CAP2: variants seen among roughly 807,000 people sequenced by gnomAD.
CAP2 encodes the protein adenylyl cyclase-associated protein 2.
Under a neutral mutation model 57.7 loss-of-function variants are expected in CAP2, and 24 were observed. That is an observed-to-expected ratio of 0.42 (90% CI 0.30 to 0.58). The LOEUF is 0.58. Ranked by LOEUF, CAP2 falls within the 20% of genes least tolerant of loss-of-function variation. CAP2 has a pLI of 0.22. For synonymous variants in CAP2, 194 were observed against 207.2 expected (o/e 0.94, Z 0.55); for missense variants, 501 against 590.3 (o/e 0.85, Z 1.57).
At chr6:17,474,207 T>G (rs1395478417) in intron 4 of CAP2, among the ~76,000 whole-genome samples, 3 of 147,418 alleles carry the variant, frequency 2.0e-5, no homozygotes, top group Admixed American at 1.3e-4. Context: ...TTTTTTTTTT[T>G]TTTGTTCTAT....
intron 1 of CAP2, among the ~76,000 whole-genome samples, chr6:17,402,676 C>T (rs1019647215): frequency 7.2e-5 from 11 of 152,208 alleles, no homozygotes; most frequent in Non-Finnish European, 1.2e-4. Context: ...TTGCTTAATA[C>T]ATGTAAAACT....
chr6:17,443,144 C>T (rs534380777), intron 3 of CAP2, among the ~76,000 whole-genome samples: 11 of 152,122 alleles, frequency 7.2e-5, no homozygotes, highest in Non-Finnish European at 1.2e-4. Context: ...CCTGGCTTCT[C>T]GGGAGACTGA....
chr6:17,510,036 C>A (rs1762105422), intron 6 of CAP2, among the ~76,000 whole-genome samples: 1 of 151,972 alleles, frequency 6.6e-6, no homozygotes, highest in Non-Finnish European at 1.5e-5. Flanking sequence ...ATAGTCAAAT[C>A]TATAGAAAGA....
At chr6:17,522,629 T>C (rs1323809897) in intron 7 of CAP2, among the ~76,000 whole-genome samples, 1 of 152,136 alleles carries the variant, frequency 6.6e-6, no homozygotes, top group Non-Finnish European at 1.5e-5. Context: ...ACGTAAGACA[T>C]GAACAATGTA....
intron 4 of CAP2, among the ~76,000 whole-genome samples, chr6:17,477,371 C>A (rs990861401): frequency 3.8e-4 from 58 of 152,162 alleles, no homozygotes; most frequent in Non-Finnish European, 7.3e-5. Flanking sequence ...GTCAGGTTAC[C>A]CTAAACTTAG....
chr6:17,508,320 G>A (rs972781797), intron 6 of CAP2, among the ~76,000 whole-genome samples: 3 of 152,168 alleles, frequency 2.0e-5, no homozygotes, highest in Non-Finnish European at 4.4e-5. Context: ...CCTTGCGTTC[G>A]ACAGCACAAG....
chr6:17,442,005 A>G (rs1760093085), intron 3 of CAP2, among the ~76,000 whole-genome samples: 1 of 152,072 alleles, frequency 6.6e-6, no homozygotes, highest in Admixed American at 6.6e-5. Flanking sequence ...TCTTTGCATA[A>G]CTCGTTATTG....
rs367869867 is a variant in CAP2 at position 17,426,556 on chromosome 6, G to A, written c.122-34G>A. The A allele has an allele frequency of 4.4e-5, 66 of 1,509,414 alleles. No homozygotes were observed. In the Middle Eastern group the frequency reaches 5.2e-4, roughly 12 times the overall value. 93.5% of individuals were successfully genotyped at this position (1,509,414 alleles called of 1,614,324 possible). A position where few individuals can be genotyped will look rare whatever the true frequency, so the allele number is the denominator to read the frequency against. On this transcript the variant is annotated intron_variant, in intron 2 of 12. Transcript: ENST00000229922. The stretch of plus-strand genomic sequence containing the variant: ...GGCTAGTCCCAGGTTTTCATTCAAC[G>A]GCCAGGGAATAACAAACTGCTCCTT...
At position 17,433,943 on chromosome 6, in the gene CAP2, G is replaced by A. The variant is rs369960077; in HGVS notation, c.222+7253G>A. On this transcript the variant is annotated intron_variant, in intron 3 of 12. Transcript: ENST00000229922. ...AACACACTTAGAGCTTTGGGGACCG[G>A]CCAGTAAGAAACTGGACTTGGAATC... 2.0e-4 allele frequency among the ~76,000 whole-genome samples: 30 copies of A among 152,190 alleles called. No individual in the cohort carries two copies. The South Asian group carries it at 6.2e-3, about 32-fold the overall frequency.
chr6:17,541,152 A>C lies in CAP2; in HGVS notation c.1002+4A>C. 6.2e-7 allele frequency: 1 copy of C among 1,606,200 alleles called. No homozygotes were observed. The highest frequency in any genetic ancestry group is 8.5e-7 in the Non-Finnish European group (1 of 1,174,862). On this transcript the variant is annotated splice_donor_region_variant and intron_variant, in intron 9 of 12. Transcript: ENST00000229922. ...GGAAGGAAAGAAATGGAGAGTGGTA[A>C]GTGAAGCATTTTAACCTTTATTTTC...
chr6:17,394,162 GGGGGGT>G (rs1367473584), intron 1 of CAP2, among the ~76,000 whole-genome samples: 1 of 150,002 alleles, frequency 6.7e-6, no homozygotes, highest in Non-Finnish European at 1.5e-5. Flanking sequence ...GAGTCTTCCA[GGGGGGT>G]GGGGGTGGGA....
chr6:17,481,301 C>CT (rs2113622467), intron 4 of CAP2, among the ~76,000 whole-genome samples: 1 of 152,216 alleles, frequency 6.6e-6, no homozygotes, highest in South Asian at 2.1e-4. Flanking sequence ...ATTTTAAACT[C>CT]TATCTCTTTC....
chr6:17,525,426 A>C (rs1762480638), intron 7 of CAP2, among the ~76,000 whole-genome samples: 1 of 150,654 alleles, frequency 6.6e-6, no homozygotes, highest in African/African-American at 2.4e-5. Context: ...CACACACTGC[A>C]CTCCTGCACT....
At chr6:17,483,589 T>G (rs1490589546) in intron 4 of CAP2, among the ~76,000 whole-genome samples, 1 of 152,206 alleles carries the variant, frequency 6.6e-6, no homozygotes, top group Non-Finnish European at 1.5e-5. Flanking sequence ...CTTAGGCCCC[T>G]GTGAGAAAGA....
chr6:17,549,202 G>A (rs1447736790), intron 11 of CAP2, among the ~76,000 whole-genome samples: 2 of 152,172 alleles, frequency 1.3e-5, no homozygotes, highest in Non-Finnish European at 2.9e-5. Flanking sequence ...GGTGGCTCAC[G>A]CCTGTAATCC....
intron 7 of CAP2, among the ~76,000 whole-genome samples, chr6:17,524,481 TAGAC>T (rs1036442317): frequency 6.6e-6 from 1 of 152,162 alleles, no homozygotes; most frequent in African/African-American, 2.4e-5. Flanking sequence ...CCAGCGGTGT[TAGAC>T]AGCAGCTTCT....
At chr6:17,399,874 G>A (rs1380969517) in intron 1 of CAP2, among the ~76,000 whole-genome samples, 6 of 152,170 alleles carry the variant, frequency 3.9e-5, no homozygotes, top group Admixed American at 6.5e-5. Context: ...CTAAATGGCA[G>A]TTCTGAAGAG....
At chr6:17,395,929 C>A (rs965931728) in intron 1 of CAP2, among the ~76,000 whole-genome samples, 29 of 151,980 alleles carry the variant, frequency 1.9e-4, no homozygotes, top group African/African-American at 7.0e-4. Flanking sequence ...GTATCCACAA[C>A]ATATAAAGAG....
intron 1 of CAP2, among the ~76,000 whole-genome samples, chr6:17,405,020 T>C (rs1411712120): frequency 1.3e-5 from 2 of 152,156 alleles, no homozygotes; most frequent in Non-Finnish European, 2.9e-5. Context: ...TGTTGATGCC[T>C]GAAAGCATGG....
Sources: allele counts gnomAD v4.1 joint callset (sites outside exome capture counted in the v4.1 genomes callset), GRCh38; gene constraint gnomAD v4.1.1; transcripts MANE v1.5; gene names NCBI Gene and HGNC (gene_info 2026-07-23, HGNC 2026-07-21).